ASTN2: variants seen among roughly 807,000 people sequenced by gnomAD.
ASTN2 encodes the protein astrotactin-2.
In ASTN2, 54 loss-of-function variants were observed where a neutral mutation model predicts 139.8. The ratio of observed to expected loss-of-function variants is 0.39; its 90% CI spans 0.31 to 0.48. The LOEUF (loss-of-function observed/expected upper bound fraction) is 0.48. Among genes scored for constraint, ASTN2 ranks in the 20% least tolerant of loss-of-function variants. The pLI, the probability that ASTN2 is intolerant of heterozygous loss-of-function variation, is 0.95. For synonymous variants in ASTN2, 756 were observed against 719.5 expected (o/e 1.05, Z -0.81); for missense variants, 1,565 against 1,725.1 (o/e 0.91, Z 1.64).
At chr9:116,959,049 G>A (rs1217217061) in intron 10 of ASTN2, among the ~76,000 whole-genome samples, 3 of 152,150 alleles carry the variant, frequency 2.0e-5, no homozygotes, top group African/African-American at 4.8e-5. Context: ...AATGACAACC[G>A]ACTACGGCAG....
At chr9:117,275,049 T>C (rs1355574611) in intron 2 of ASTN2, among the ~76,000 whole-genome samples, 1 of 152,206 alleles carries the variant, frequency 6.6e-6, no homozygotes, top group African/African-American at 2.4e-5. Context: ...ACACATTTCA[T>C]CTGTGAATAA....
rs548731465 is a variant in ASTN2, at chr9:117,033,086, C to T, written c.1423+6733G>A. On this transcript the variant is annotated intron_variant, in intron 6 of 22. Transcript: ENST00000313400. The stretch of plus-strand genomic sequence containing the variant: ...TTGTTTTCACCCATTTCTGAGCCTA[C>T]GCAAAGAATTGGTGACACTCTGTGT... 3.2e-4 allele frequency among the ~76,000 whole-genome samples: 48 copies of T among 152,192 alleles called. 1 individual carries two copies. The East Asian group carries it at 3.7e-3, about 12-fold the overall frequency.
chr9:116,643,552 T>C (rs55671228), intron 17 of ASTN2, among the ~76,000 whole-genome samples: 22,738 of 152,184 alleles, frequency 0.15, 1,804 homozygotes, highest in Middle Eastern at 0.21. Flanking sequence ...TTTGAAATCT[T>C]ACAGACCTGG....
chr9:116,930,405 T>A (rs1257308312), intron 10 of ASTN2, among the ~76,000 whole-genome samples: 1 of 152,068 alleles, frequency 6.6e-6, no homozygotes, highest in Non-Finnish European at 1.5e-5. Flanking sequence ...GTTATGCTGG[T>A]GTGGACTGAG....
intron 4 of ASTN2, among the ~76,000 whole-genome samples, chr9:117,128,770 T>C (rs55759232): frequency 0.027 from 4,174 of 152,344 alleles, 170 homozygotes; most frequent in African/African-American, 0.091. Flanking sequence ...AGAGGTTTAA[T>C]TGAACTTACA....
chr9:116,916,146 G>T (rs1409169112), intron 10 of ASTN2, among the ~76,000 whole-genome samples: 2 of 152,140 alleles, frequency 1.3e-5, no homozygotes, highest in East Asian at 3.9e-4. Flanking sequence ...CAAGATGCAG[G>T]TTTTCCTCTA....
chr9:117,282,470 T>C (rs975026632), intron 2 of ASTN2, among the ~76,000 whole-genome samples: 1 of 152,186 alleles, frequency 6.6e-6, no homozygotes, highest in African/African-American at 2.4e-5. Context: ...GGGACAGGGA[T>C]GAAGAACATC....
In ASTN2 at chr9:117,254,857, C is replaced by T. The variant is rs183194879; in HGVS notation, c.630+36469G>A. On this transcript the variant is annotated intron_variant, in intron 2 of 22. Coordinates refer to ENST00000313400, the MANE Select transcript of ASTN2 (RefSeq NM_001365068.1). ...TCAGTCCTTTCTGTTCCTTTCCATT[C>T]CATTCTATTTTTTATGCCCTCTTCT... Among the ~76,000 whole-genome samples, 554 of 152,254 alleles carry T rather than the reference C, an allele frequency of 3.6e-3. 2 individuals are homozygous for T. The highest frequency in any genetic ancestry group is 6.8e-3 in the Middle Eastern group (2 of 294).
At chr9:117,187,296 A>G (rs1049079681) in intron 3 of ASTN2, among the ~76,000 whole-genome samples, 3 of 152,196 alleles carry the variant, frequency 2.0e-5, no homozygotes, top group Admixed American at 6.5e-5. Flanking sequence ...GGAACAAGCC[A>G]TGCAAAGCCC....
Position 117,043,442 on chromosome 9 carries a change from T to G in ASTN2, c.1277-3477A>C, listed in dbSNP as rs1838638553. The stretch of plus-strand genomic sequence containing the variant: ...GTGGCCAAGATCTTTCTTTCACTAA[T>G]TAACAAACTACCAGAAATACACTAC... On this transcript the variant is annotated intron_variant, in intron 5 of 22. Coordinates refer to ENST00000313400, the MANE Select transcript of ASTN2 (RefSeq NM_001365068.1). 2.0e-5 allele frequency among the ~76,000 whole-genome samples: 3 copies of G among 152,080 alleles called. No homozygotes were observed. The South Asian group carries it at 6.2e-4, about 32-fold the overall frequency.
intron 20 of ASTN2, among the ~76,000 whole-genome samples, chr9:116,456,094 A>T (rs2118944311): frequency 6.6e-6 from 1 of 152,252 alleles, no homozygotes; most frequent in Non-Finnish European, 1.5e-5. Context: ...TTTGCAGATG[A>T]TATGATCTTA....
intron 11 of ASTN2, among the ~76,000 whole-genome samples, chr9:116,832,940 T>TTTTATTTATTTA (rs376636277): frequency 0.014 from 2,079 of 149,914 alleles, 23 homozygotes; most frequent in East Asian, 0.036. Context: ...TTTTGTTTTG[T>TTTTATTTATTTA]TTTATTTATT....
intron 11 of ASTN2, among the ~76,000 whole-genome samples, chr9:116,860,622 A>G (rs990581428): frequency 6.6e-6 from 1 of 152,176 alleles, no homozygotes; most frequent in African/African-American, 2.4e-5. Flanking sequence ...ACGAGAACTC[A>G]TCTCAGCTCC....
At chr9:117,235,367 T>C (rs1275615612) in intron 2 of ASTN2, among the ~76,000 whole-genome samples, 1 of 152,126 alleles carries the variant, frequency 6.6e-6, no homozygotes, top group Non-Finnish European at 1.5e-5. Flanking sequence ...ATCTGTGAGG[T>C]CAGTGTTAAC....
chr9:116,549,058 C>T (rs984683220), intron 19 of ASTN2, among the ~76,000 whole-genome samples: 2 of 151,990 alleles, frequency 1.3e-5, no homozygotes, highest in African/African-American at 2.4e-5. Flanking sequence ...TAAGTTGTCT[C>T]ATTGGACAGA....
At chr9:117,229,630 G>C (rs1471583103) in intron 2 of ASTN2, among the ~76,000 whole-genome samples, 1 of 152,194 alleles carries the variant, frequency 6.6e-6, no homozygotes, top group Non-Finnish European at 1.5e-5. Context: ...AGATTAATTA[G>C]ATGAAGATGA....
intron 1 of ASTN2, among the ~76,000 whole-genome samples, chr9:117,339,926 T>G (rs1829012201): frequency 6.6e-6 from 1 of 151,190 alleles, no homozygotes; most frequent in Non-Finnish European, 1.5e-5. Flanking sequence ...AAAAAAAAAT[T>G]TAAAGAGGCC....
chr9:117,144,550 AG>A (rs1329322238), intron 3 of ASTN2, among the ~76,000 whole-genome samples: 2 of 151,074 alleles, frequency 1.3e-5, no homozygotes. Context: ...AGGGAAAAGG[AG>A]GGATTAAGGA....
chr9:117,072,673 A>G (rs553943838), intron 5 of ASTN2, among the ~76,000 whole-genome samples: 1 of 152,318 alleles, frequency 6.6e-6, no homozygotes, highest in African/African-American at 2.4e-5. Flanking sequence ...CAAGGAGTGG[A>G]ATGGTGGCTC....
Sources: allele counts gnomAD v4.1 joint callset (sites outside exome capture counted in the v4.1 genomes callset), GRCh38; gene constraint gnomAD v4.1.1; transcripts MANE v1.5; gene names NCBI Gene and HGNC (gene_info 2026-07-23, HGNC 2026-07-21).